CRYBG1: variants seen among roughly 807,000 people sequenced by gnomAD.
The protein encoded by CRYBG1 is crystallin beta-gamma domain containing 1.
CRYBG1 carries 139 observed loss-of-function variants against 189.2 expected under a neutral mutation model. That is an observed-to-expected ratio of 0.73 (90% CI 0.64 to 0.85). The LOEUF (loss-of-function observed/expected upper bound fraction) is 0.85, where lower values mean the gene tolerates loss of function less well. Ranked by LOEUF, CRYBG1 falls within the 40% of genes least tolerant of loss-of-function variation. The pLI is 0.00. For missense variants in CRYBG1, 2,611 were observed against 2,675.8 expected (o/e 0.98, Z 0.53); for synonymous variants, 1,023 against 1,017.1 (o/e 1.01, Z -0.11).
At chr6:106,377,647 A>ATATATATATATATATATATATATTTT (rs1562290499) in intron 1 of CRYBG1, among the ~76,000 whole-genome samples, 1 of 144,166 alleles carries the variant, frequency 6.9e-6, no homozygotes, top group African/African-American at 2.7e-5. Context: ...ATATATATAT[A>ATATATATATATATATATATATATTTT]TTTTCATTTG....
chr6:106,434,554 C>G (rs1423990304), intron 1 of CRYBG1, among the ~76,000 whole-genome samples: 2 of 152,132 alleles, frequency 1.3e-5, no homozygotes, highest in Non-Finnish European at 2.9e-5. Flanking sequence ...GAAACTGTGC[C>G]AAGCAAGCCT....
intron 2 of CRYBG1, among the ~76,000 whole-genome samples, chr6:106,467,498 A>G (rs931930914): frequency 1.3e-5 from 2 of 152,090 alleles, no homozygotes; most frequent in African/African-American, 4.8e-5. Context: ...AAAAGAAAAC[A>G]AAAAGAGAGA....
chr6:106,550,313 C>T (rs1774366277), intron 13 of CRYBG1, among the ~76,000 whole-genome samples: 1 of 152,112 alleles, frequency 6.6e-6, no homozygotes, highest in Non-Finnish European at 1.5e-5. Context: ...GTTCTGATCA[C>T]CCTACATAAT....
At chr6:106,505,282 G>C (rs1582802320) in intron 2 of CRYBG1, among the ~76,000 whole-genome samples, 1 of 152,108 alleles carries the variant, frequency 6.6e-6, no homozygotes, top group South Asian at 2.1e-4. Context: ...TTTTAGTAGA[G>C]ACGGGGTTTC....
intron 1 of CRYBG1, among the ~76,000 whole-genome samples, chr6:106,422,633 C>A (rs1213842843): frequency 1.3e-5 from 2 of 152,138 alleles, no homozygotes; most frequent in Non-Finnish European, 2.9e-5. Flanking sequence ...CCCCATCTGA[C>A]CTATTTGTTC....
intron 3 of CRYBG1, 26 bp downstream of exon 3, chr6:106,513,065 G>T: frequency 6.3e-7 from 1 of 1,584,960 alleles, no homozygotes; most frequent in Non-Finnish European, 8.5e-7. Flanking sequence ...AGTCCCGGCC[G>T]AGTTGCTGTC....
chr6:106,427,099 CCTCAGGG>C (rs1166044669), intron 1 of CRYBG1, among the ~76,000 whole-genome samples: 1 of 152,108 alleles, frequency 6.6e-6, no homozygotes, highest in East Asian at 1.9e-4. Context: ...TGTGGAAGGG[CCTCAGGG>C]CTCAGTTCTT....
Position 106,416,757 on chromosome 6 carries a change from A to T in CRYBG1, c.174-34937A>T, listed in dbSNP as rs146552167. On this transcript the variant is annotated intron_variant, in intron 1 of 21. Transcript: ENST00000633556. ...ACAAATTGTAGTATTCATTATACAC[A>T]TTGTGTGTTTGTTGACATAAAAGAC... Among the ~76,000 whole-genome samples, 303 of 152,334 alleles carry T rather than the reference A, an allele frequency of 2.0e-3. 1 individual carries two copies. The highest frequency in any genetic ancestry group is 7.0e-3 in the African/African-American group (289 of 41,578).
intron 2 of CRYBG1, among the ~76,000 whole-genome samples, chr6:106,462,997 T>A (rs527556131): frequency 1.3e-5 from 2 of 152,194 alleles, no homozygotes; most frequent in South Asian, 2.1e-4. Context: ...TACAAAAAAA[T>A]TTTAAAATTA....
intron 1 of CRYBG1, among the ~76,000 whole-genome samples, chr6:106,410,612 T>C (rs376375234): frequency 1.4e-4 from 21 of 152,260 alleles, no homozygotes; most frequent in African/African-American, 5.1e-4. Flanking sequence ...TAGCAAAGAC[T>C]TGGAACCAAC....
At position 106,539,267 on chromosome 6, in the gene CRYBG1, C is replaced by T. The variant is rs952416169; in HGVS notation, c.4719-136C>T. On this transcript the variant is annotated intron_variant, in intron 8 of 21. Coordinates refer to ENST00000633556, the MANE Select transcript of CRYBG1 (RefSeq NM_001371242.2). ...CTTGAGTCTAGTGTGATTCTAACAC[C>T]TGAGTCCAACCATTCATTATGTAGG... 42 of 966,616 alleles carry T rather than the reference C, an allele frequency of 4.3e-5. 1 individual carries two copies. The highest frequency in any genetic ancestry group is 7.6e-5 in the Admixed American group (3 of 39,470). The allele number at this position is 966,616 out of a possible 1,614,324, so 59.9% of individuals were successfully genotyped here. A position where few individuals can be genotyped will look rare whatever the true frequency, so the allele number is the denominator to read the frequency against.
chr6:106,505,960 T>C (rs1424157185), intron 2 of CRYBG1, among the ~76,000 whole-genome samples: 2 of 152,204 alleles, frequency 1.3e-5, no homozygotes, highest in Non-Finnish European at 2.9e-5. Context: ...TGTACATTGA[T>C]GACCACATTT....
intron 2 of CRYBG1, among the ~76,000 whole-genome samples, chr6:106,505,472 G>T (rs910899617): frequency 6.6e-6 from 1 of 151,896 alleles, no homozygotes; most frequent in Admixed American, 6.6e-5. Flanking sequence ...TAAGTGATCC[G>T]CTGGCCTCAG....
rs1562097000 is a variant in CRYBG1 at position 106,512,974 on chromosome 6, C to A, written c.1857C>A (p.Ala619=). 6.2e-7 allele frequency: 1 copy of A among 1,611,186 alleles called. No homozygotes were observed. The highest frequency in any genetic ancestry group is 8.5e-7 in the Non-Finnish European group (1 of 1,179,604). ...CCGGAGCGCCTGGAGCTTCTGACGC[C>A]GACGGCTTGAAGCCCAGGAACCATT... The part of the protein sequence containing the change: ...RAAGAPGASD[A]DGLKPRNHFG... Residue 619 remains alanine, a synonymous_variant, in exon 3 of 22, where the codon GCC becomes GCA. Coordinates refer to ENST00000633556, the MANE Select transcript of CRYBG1 (RefSeq NM_001371242.2).
At chr6:106,361,871 C>T (rs1035987748) in intron 1 of CRYBG1, among the ~76,000 whole-genome samples, 18 of 151,990 alleles carry the variant, frequency 1.2e-4, no homozygotes, top group Non-Finnish European at 2.6e-4. Context: ...TCCAGTAAAT[C>T]CTTCCAAATG....
intron 2 of CRYBG1, among the ~76,000 whole-genome samples, chr6:106,508,780 T>A (rs540509618): frequency 3.9e-5 from 6 of 152,340 alleles, no homozygotes; most frequent in South Asian, 4.1e-4. Context: ...GAAGCCACTA[T>A]GAACATTCAT....
rs1346008452 is a variant in CRYBG1, at chr6:106,569,394, T to G, written c.*828T>G. On this transcript the variant is annotated 3_prime_UTR_variant, in exon 22 of 22. Coordinates refer to ENST00000633556, the MANE Select transcript of CRYBG1 (RefSeq NM_001371242.2). ...CATCACCAAGCCCAGCCAAATTTTG[T>G]TTTTTTTTTGTAGAGATGGGGTTTC... 4 of 147,820 alleles carry G rather than the reference T, an allele frequency of 2.7e-5. No homozygotes were observed. Among genetic ancestry groups the G allele is most frequent in the East Asian group, 2.0e-4 (1 of 4,998 alleles). 9.2% of individuals were successfully genotyped at this position (147,820 alleles called of 1,614,324 possible). A position where few individuals can be genotyped will look rare whatever the true frequency, so the allele number is the denominator to read the frequency against.
Position 106,512,621 on chromosome 6 carries a change from C to T in CRYBG1, c.1504C>T (p.Arg502Trp), listed in dbSNP as rs1217440838. The T allele has an allele frequency of 2.5e-6, 4 of 1,599,234 alleles. No individual in the cohort carries two copies. Among genetic ancestry groups the T allele is most frequent in the Non-Finnish European group, 3.4e-6 (4 of 1,173,958 alleles). ...TKGQLRGESD[R>W]SKQPPPASSP... The stretch of plus-strand genomic sequence containing the variant: ...AGGGCAGCTCCGAGGGGAGTCGGAC[C>T]GGAGCAAACAGCCACCCCCGGCTTC... The change falls in exon 3 of 22, where the codon CGG becomes TGG. Residue 502 changes from arginine to tryptophan, a missense_variant. Physicochemically the swap from Arg to Trp is moderately radical, Grantham distance 101. Coordinates refer to ENST00000633556, the MANE Select transcript of CRYBG1 (RefSeq NM_001371242.2).
Position 106,511,525 on chromosome 6 carries a change from C to T in CRYBG1, c.408C>T (p.Asn136=), listed in dbSNP as rs1773256009. The T allele has an allele frequency of 4.6e-6, 7 of 1,535,666 alleles. No homozygotes were observed. Among genetic ancestry groups the T allele is most frequent in the Non-Finnish European group, 6.1e-6 (7 of 1,146,540 alleles). The change falls in exon 3 of 22, where the codon AAC becomes AAT. Residue 136 remains asparagine, a synonymous_variant. Coordinates refer to ENST00000633556, the MANE Select transcript of CRYBG1 (RefSeq NM_001371242.2). ...CAGGAAGGAGAAGAAACAGTAGAAACGGGTTAGAGAGTCCCACCAGATCAA... is the reference window on the plus strand; with the variant it reads ...CAGGAAGGAGAAGAAACAGTAGAAATGGGTTAGAGAGTCCCACCAGATCAA... ...FTAGRRRNSR[N]GLESPTRSNA... is the part of the protein sequence containing the mutation.
Sources: allele counts gnomAD v4.1 joint callset (sites outside exome capture counted in the v4.1 genomes callset), GRCh38; gene constraint gnomAD v4.1.1; transcripts MANE v1.5; gene names NCBI Gene and HGNC (gene_info 2026-07-23, HGNC 2026-07-21).